NRCAM: variants seen among roughly 807,000 people sequenced by gnomAD.
The protein encoded by NRCAM is NgCAM-related cell adhesion molecule.
In NRCAM, 83 loss-of-function variants were observed where a neutral mutation model predicts 156.5. The observed-to-expected ratio is 0.53, with a 90% CI of 0.44 to 0.64. The LOEUF is 0.64. Ranked by LOEUF, NRCAM falls within the 30% of genes least tolerant of loss-of-function variation. NRCAM has a pLI of 0.00. For synonymous variants in NRCAM, 538 were observed against 563.9 expected, an observed-to-expected ratio of 0.95 and a Z score of 0.65; for missense variants, 1,417 against 1,597.3, an observed-to-expected ratio of 0.89 and a Z score of 1.92.
chr7:108,415,414 T>C (rs7788503), intron 1 of NRCAM, among the ~76,000 whole-genome samples: 145,140 of 152,304 alleles, frequency 0.95, 69,216 homozygotes, highest in East Asian at 1. Flanking sequence ...TCTCAAATGG[T>C]GCAAACTTGG....
chr7:108,429,958 C>G (rs199979044), intron 1 of NRCAM, among the ~76,000 whole-genome samples: 2 of 152,212 alleles, frequency 1.3e-5, no homozygotes, highest in East Asian at 3.9e-4. Context: ...AAAGAGGTGA[C>G]AGAGAAATGG....
At chr7:108,422,321 T>C (rs1811069218) in intron 1 of NRCAM, among the ~76,000 whole-genome samples, 1 of 152,178 alleles carries the variant, frequency 6.6e-6, no homozygotes, top group Admixed American at 6.5e-5. Context: ...ACATGGATTA[T>C]CTTATTTCAT....
intron 28 of NRCAM, among the ~76,000 whole-genome samples, chr7:108,170,573 TTTC>T (rs1213958580): frequency 2.6e-5 from 4 of 152,212 alleles, no homozygotes; most frequent in Non-Finnish European, 5.9e-5. Context: ...TTGTCCCTCC[TTTC>T]CAGACCAAAC....
chr7:108,262,413 CT>C (rs1171448438), intron 3 of NRCAM, among the ~76,000 whole-genome samples: 1 of 152,012 alleles, frequency 6.6e-6, no homozygotes, highest in East Asian at 1.9e-4. Context: ...TGTGCCTACC[CT>C]TTTTTTGGTT....
chr7:108,452,141 A>G (rs1487108807), intron 1 of NRCAM, among the ~76,000 whole-genome samples: 2 of 152,150 alleles, frequency 1.3e-5, no homozygotes, highest in Admixed American at 1.3e-4. Context: ...AAATTTGTCA[A>G]TTCATTTTGG....
Position 108,319,630 on chromosome 7 carries a change from G to A in NRCAM, c.-173-6899C>T, listed in dbSNP as rs550557692. 1.2e-4 allele frequency among the ~76,000 whole-genome samples: 18 copies of A among 152,294 alleles called. No homozygotes were observed. In the South Asian group the frequency reaches 3.5e-3, roughly 30 times the overall value. On this transcript the variant is annotated intron_variant, in intron 2 of 32. Transcript: ENST00000379028. ...AATACCAATTTTGAAAAGTTGTTAAGGCAGGGGTGTGTGGTGCTCCTAGAG... is the reference window on the plus strand; with the variant it reads ...AATACCAATTTTGAAAAGTTGTTAAAGCAGGGGTGTGTGGTGCTCCTAGAG...
chr7:108,167,121 A>G (rs1460718786), intron 29 of NRCAM, 48 bp from the exon 30 acceptor site: 3 of 1,474,786 alleles, frequency 2.0e-6, no homozygotes, highest in Non-Finnish European at 2.8e-6. Flanking sequence ...TTAAGGGACC[A>G]GAAGTCACTT....
At chr7:108,393,267 G>A (rs897788588) in intron 2 of NRCAM, among the ~76,000 whole-genome samples, 1 of 152,104 alleles carries the variant, frequency 6.6e-6, no homozygotes, top group Admixed American at 6.5e-5. Flanking sequence ...CAGTAATGGT[G>A]GGCGCCCCTC....
At chr7:108,188,978 C>G (rs1306710481) in intron 20 of NRCAM, among the ~76,000 whole-genome samples, 1 of 150,882 alleles carries the variant, frequency 6.6e-6, no homozygotes, top group Non-Finnish European at 1.5e-5. Flanking sequence ...TCTTAAGTAT[C>G]TCTTTGGTTT....
intron 3 of NRCAM, among the ~76,000 whole-genome samples, chr7:108,299,267 C>G (rs907522932): frequency 7.3e-5 from 11 of 151,480 alleles, no homozygotes; most frequent in Non-Finnish European, 1.5e-4. Context: ...AGTTACCGAG[C>G]TGCCTTTGAA....
At chr7:108,269,690 G>A (rs887120152) in intron 3 of NRCAM, among the ~76,000 whole-genome samples, 12 of 152,148 alleles carry the variant, frequency 7.9e-5, no homozygotes, top group African/African-American at 2.9e-4. Context: ...TTATATGCTT[G>A]AATAATAAAC....
intron 1 of NRCAM, among the ~76,000 whole-genome samples, chr7:108,443,891 G>GATAGATAGATAGATAGATAGATAGATAC (rs1432233563): frequency 6.9e-6 from 1 of 145,800 alleles, no homozygotes; most frequent in Non-Finnish European, 1.5e-5. Flanking sequence ...TAGATAGATA[G>GATAGATAGATAGATAGATAGATAGATAC]ATACATACAT....
At chr7:108,227,067 T>A (rs148453365) in intron 8 of NRCAM, among the ~76,000 whole-genome samples, 36 of 152,356 alleles carry the variant, frequency 2.4e-4, no homozygotes, top group Admixed American at 5.2e-4. Context: ...ATACTACATA[T>A]CTACTCATCA....
chr7:108,201,352 T>A (rs1371701470), intron 13 of NRCAM, among the ~76,000 whole-genome samples: 2 of 152,158 alleles, frequency 1.3e-5, no homozygotes, highest in East Asian at 3.9e-4. Context: ...CTGTGATGAA[T>A]CCCAGGCAGA....
chr7:108,323,976 A>C (rs2099034543), intron 2 of NRCAM, among the ~76,000 whole-genome samples: 1 of 152,040 alleles, frequency 6.6e-6, no homozygotes, highest in East Asian at 1.9e-4. Context: ...CCTGTCTTAG[A>C]ACAGCAAGGC....
chr7:108,161,299 C>G (rs930735050), intron 30 of NRCAM, among the ~76,000 whole-genome samples: 2 of 152,190 alleles, frequency 1.3e-5, no homozygotes, highest in Non-Finnish European at 2.9e-5. Flanking sequence ...CAGTTTGCAT[C>G]TATTCTGTTT....
At chr7:108,168,615 G>A (rs144743132) in intron 28 of NRCAM, among the ~76,000 whole-genome samples, 65 of 152,176 alleles carry the variant, frequency 4.3e-4, no homozygotes, top group African/African-American at 1.5e-3. Flanking sequence ...AAATAATGAC[G>A]CATAATATTA....
intron 2 of NRCAM, among the ~76,000 whole-genome samples, chr7:108,398,579 C>A (rs1053635374): frequency 1.6e-4 from 24 of 152,168 alleles, no homozygotes; most frequent in African/African-American, 5.6e-4. Flanking sequence ...GGATTTCACA[C>A]CCCTATCCCA....
At chr7:108,426,919 CAA>C (rs1255642159) in intron 1 of NRCAM, among the ~76,000 whole-genome samples, 1 of 152,196 alleles carries the variant, frequency 6.6e-6, no homozygotes, top group Non-Finnish European at 1.5e-5. Context: ...GTTATTGAAT[CAA>C]AGTCTGTTAT....
Sources: gnomAD v4.1 joint callset for allele counts (sites outside exome capture counted in the v4.1 genomes callset) on GRCh38, gnomAD v4.1.1 for gene constraint, MANE v1.5 for transcripts, NCBI Gene and HGNC (gene_info 2026-07-23, HGNC 2026-07-21) for gene names.